The following CNTN4 variants were observed in gnomAD, a reference collection of about 807,000 sequenced individuals.
CNTN4 encodes the protein contactin-4.
A neutral mutation model predicts 122.5 loss-of-function variants in CNTN4; 77 were observed. The observed-to-expected ratio is 0.63, with a 90% CI of 0.52 to 0.76. CNTN4 has a LOEUF of 0.76. CNTN4 is among the 30% of genes least tolerant of loss of function. The pLI is 0.00. For synonymous variants in CNTN4, 512 were observed against 447.0 expected (o/e 1.15, Z -1.83); for missense variants, 1,256 against 1,259.1 (o/e 1.00, Z 0.04).
chr3:2,386,726 A>G (rs1306713155), intron 3 of CNTN4, among the ~76,000 whole-genome samples: 3 of 152,230 alleles, frequency 2.0e-5, no homozygotes, highest in Admixed American at 2.0e-4. Context: ...AAAGGGAAAC[A>G]TTTCAACGAA....
At chr3:2,875,387 T>G (rs991470730) in intron 8 of CNTN4, among the ~76,000 whole-genome samples, 1 of 152,248 alleles carries the variant, frequency 6.6e-6, no homozygotes, top group African/African-American at 2.4e-5. Flanking sequence ...CTGAAATTTC[T>G]TGTAGTTCTA....
intron 3 of CNTN4, among the ~76,000 whole-genome samples, chr3:2,397,267 A>G (rs542220886): frequency 1.3e-5 from 2 of 152,196 alleles, no homozygotes; most frequent in Non-Finnish European, 2.9e-5. Flanking sequence ...TGCGAATTAC[A>G]GCTCTTATAT....
chr3:2,784,751 T>A (rs1430844018), intron 6 of CNTN4, among the ~76,000 whole-genome samples: 1 of 152,200 alleles, frequency 6.6e-6, no homozygotes, highest in African/African-American at 2.4e-5. Context: ...TGAGCAAGTA[T>A]TTAATCTCTG....
intron 12 of CNTN4, among the ~76,000 whole-genome samples, chr3:2,925,220 C>T (rs1389718729): frequency 6.6e-6 from 1 of 152,144 alleles, no homozygotes; most frequent in African/African-American, 2.4e-5. Flanking sequence ...AAAAAATTAG[C>T]TTCCTCCCTT....
At chr3:2,455,450 G>A (rs1016667879) in intron 3 of CNTN4, among the ~76,000 whole-genome samples, 2 of 151,998 alleles carry the variant, frequency 1.3e-5, no homozygotes, top group Non-Finnish European at 1.5e-5. Flanking sequence ...GGGAGAAAGT[G>A]GGTCTTGCTT....
intron 2 of CNTN4, among the ~76,000 whole-genome samples, chr3:2,216,859 A>G (rs995835765): frequency 2.0e-5 from 3 of 152,158 alleles, no homozygotes; most frequent in African/African-American, 7.2e-5. Flanking sequence ...CTTTTCTTGA[A>G]CAGATATTGC....
intron 2 of CNTN4, among the ~76,000 whole-genome samples, chr3:2,236,397 A>G (rs976266443): frequency 2.0e-5 from 3 of 152,218 alleles, no homozygotes; most frequent in Non-Finnish European, 4.4e-5. Flanking sequence ...TAAAGTCTAA[A>G]TGACGTCATG....
intron 3 of CNTN4, among the ~76,000 whole-genome samples, chr3:2,398,197 T>G (rs72996076): frequency 0.052 from 7,974 of 152,236 alleles, 307 homozygotes; most frequent in Non-Finnish European, 0.079. Context: ...ATGAAAACTT[T>G]TAAGTATGCT....
chr3:2,998,028 G>T (rs1369298213), intron 14 of CNTN4, among the ~76,000 whole-genome samples: 1 of 152,108 alleles, frequency 6.6e-6, no homozygotes, highest in Admixed American at 6.6e-5. Flanking sequence ...TAGAAGAGGA[G>T]GATCCAAAGG....
chr3:2,327,325 T>G (rs2043505256), intron 2 of CNTN4, among the ~76,000 whole-genome samples: 1 of 152,240 alleles, frequency 6.6e-6, no homozygotes, highest in South Asian at 2.1e-4. Flanking sequence ...ATTGTGTGTG[T>G]AGCTCAATTC....
chr3:2,360,746 A>T (rs868580097), intron 3 of CNTN4, among the ~76,000 whole-genome samples: 1 of 152,168 alleles, frequency 6.6e-6, no homozygotes, highest in African/African-American at 2.4e-5. Flanking sequence ...GAACTCTCTC[A>T]CTATCCGGAG....
At chr3:2,530,907 T>G (rs13072786) in intron 3 of CNTN4, among the ~76,000 whole-genome samples, 1 of 152,100 alleles carries the variant, frequency 6.6e-6, no homozygotes, top group Non-Finnish European at 1.5e-5. Context: ...TGTTATAGTT[T>G]CAGTTGTTTT....
intron 6 of CNTN4, among the ~76,000 whole-genome samples, chr3:2,754,388 A>G (rs772067488): frequency 3.9e-5 from 6 of 152,206 alleles, no homozygotes; most frequent in Non-Finnish European, 5.9e-5. Flanking sequence ...AAATCTTTGA[A>G]CAAAATCTGG....
In CNTN4 at chr3:2,171,668, A is replaced by G. The variant is rs549045892; in HGVS notation, c.-145+71029A>G. 3.9e-5 allele frequency among the ~76,000 whole-genome samples: 6 copies of G among 152,356 alleles called. No homozygotes were observed. The South Asian group carries it at 8.3e-4, about 21-fold the overall frequency. Reference sequence around the variant, plus strand: ...AGAGATATTCTGAATGACATATCCCAAAGCGCAGGTAAGTACACTCACTGT... The same window carrying G: ...AGAGATATTCTGAATGACATATCCCGAAGCGCAGGTAAGTACACTCACTGT... On this transcript the variant is annotated intron_variant, in intron 2 of 24. Coordinates refer to ENST00000418658, the MANE Select transcript of CNTN4 (RefSeq NM_175607.3).
At chr3:3,006,260 G>A (rs930033332) in intron 14 of CNTN4, among the ~76,000 whole-genome samples, 5 of 152,070 alleles carry the variant, frequency 3.3e-5, no homozygotes, top group African/African-American at 1.2e-4. Flanking sequence ...CACCCTCATG[G>A]GAACATAAAC....
chr3:2,481,033 T>TTTTCTTTTCTTTCTTTCTTTC (rs2075979435), intron 3 of CNTN4, among the ~76,000 whole-genome samples: 1 of 119,988 alleles, frequency 8.3e-6, no homozygotes, highest in Admixed American at 7.9e-5. Context: ...TTTCTTTTTC[T>TTTTCTTTTCTTTCTTTCTTTC]TTTCTTTCTT....
chr3:2,710,843 A>G lies in CNTN4; in HGVS notation c.56-25372A>G, dbSNP rs565541197. ...CCTTTGCTTGTGGCAAAGGCTTTCC[A>G]TACACTCCACAGGAAGTTGTTCCCT... On this transcript the variant is annotated intron_variant, in intron 4 of 24. Transcript: ENST00000418658. Among the ~76,000 whole-genome samples, 218 of 152,344 alleles carry G rather than the reference A, an allele frequency of 1.4e-3. 1 individual carries two copies. Among genetic ancestry groups the G allele is most frequent in the African/African-American group, 5.0e-3 (206 of 41,572 alleles).
chr3:2,757,769 A>C (rs1372161124), intron 6 of CNTN4, among the ~76,000 whole-genome samples: 3 of 152,198 alleles, frequency 2.0e-5, no homozygotes, highest in Non-Finnish European at 2.9e-5. Flanking sequence ...GTTAAATCTC[A>C]AATTCAAGGG....
chr3:2,170,319 C>CA (rs1399856429), intron 2 of CNTN4, among the ~76,000 whole-genome samples: 2 of 151,254 alleles, frequency 1.3e-5, no homozygotes, highest in Admixed American at 6.6e-5. Context: ...GACTCCGTCT[C>CA]AAAACAAAAA....
Sources: allele counts gnomAD v4.1 joint callset (sites outside exome capture counted in the v4.1 genomes callset), GRCh38; gene constraint gnomAD v4.1.1; transcripts MANE v1.5; gene names NCBI Gene and HGNC (gene_info 2026-07-23, HGNC 2026-07-21).